The following SIPA1L1 variants were observed in gnomAD, a reference collection of about 807,000 sequenced individuals.
The protein encoded by SIPA1L1 is signal-induced proliferation-associated 1-like protein 1.
In SIPA1L1, 26 loss-of-function variants were observed where a neutral mutation model predicts 162.7. The observed-to-expected ratio is 0.16, with a 90% CI of 0.12 to 0.22. The LOEUF (loss-of-function observed/expected upper bound fraction) is 0.22. Among genes scored for constraint, SIPA1L1 ranks in the 10% least tolerant of loss-of-function variants. The pLI is 1.00. For synonymous variants in SIPA1L1, 829 were observed against 837.4 expected (o/e 0.99, Z 0.17); for missense variants, 1,874 against 2,241.0 (o/e 0.84, Z 3.31).
Position 71,588,652 on chromosome 14 carries a change from T to C in SIPA1L1, c.780T>C (p.Asp260=). Residue 260 remains aspartate (D), a synonymous_variant, in exon 5 of 24, where the codon GAT becomes GAC. Transcript: ENST00000381232. The surrounding 1 kb of genome is among the most constrained non-coding windows in gnomAD (Gnocchi z 4.3). ...GCAAGGGTTCTGGTTTCTCTTTGGA[T>C]GTAATAGACGGGCCTATCTCACAGA... The part of the protein sequence containing the change: ...GGGKGSGFSL[D]VIDGPISQRE... 1.2e-6 allele frequency: 2 copies of C among 1,614,046 alleles called. No individual in the cohort carries two copies. The highest frequency in any genetic ancestry group is 1.7e-6 in the Non-Finnish European group (2 of 1,179,972).
At chr14:71,646,188 T>G (rs1267415955) in intron 7 of SIPA1L1, among the ~76,000 whole-genome samples, 1 of 151,332 alleles carries the variant, frequency 6.6e-6, no homozygotes, top group African/African-American at 2.4e-5. Flanking sequence ...CTTTTTTTTT[T>G]TTTTTTGAGA....
At chr14:71,642,980 C>CA (rs1192517490) in intron 7 of SIPA1L1, among the ~76,000 whole-genome samples, 8 of 142,618 alleles carry the variant, frequency 5.6e-5, no homozygotes, top group Admixed American at 5.6e-4. Flanking sequence ...AAAAAAAAAA[C>CA]AAAAAACCCA....
Position 71,709,433 on chromosome 14 carries a change from C to T in SIPA1L1, c.3977C>T (p.Thr1326Ile). 1 of 1,614,252 alleles carries T rather than the reference C, an allele frequency of 6.2e-7. No individual in the cohort carries two copies. The highest frequency in any genetic ancestry group is 1.1e-5 in the South Asian group (1 of 91,092). The change falls in exon 17 of 24, where the codon ACA (threonine) becomes ATA (isoleucine). Residue 1326 changes from threonine to isoleucine, a missense_variant. Thr to Ile is a moderately conservative substitution (Grantham distance 89, BLOSUM62 -1). This residue lies in a region of SIPA1L1 where 936 missense variants were observed against 1,051.9 expected (regional missense o/e 0.89). Transcript: ENST00000381232. The stretch of plus-strand genomic sequence containing the variant: ...AGCACAGCCTCGCTGGGGGCTGCCA[C>T]ATCGTCACCTCGCTCAGGGCCAGGC... ...HGSTASLGAA[T>I]SSPRSGPGKE...
At chr14:71,685,688 C>G (rs2046230159) in intron 13 of SIPA1L1, 57 bp downstream of exon 13, 1 of 1,591,286 alleles carries the variant, frequency 6.3e-7, no homozygotes, top group African/African-American at 1.3e-5. Flanking sequence ...GTAAGTAACA[C>G]AGACCCATAA....
chr14:71,425,742 C>T (rs1423213074), intron 2 of SIPA1L1, among the ~76,000 whole-genome samples: 1 of 152,018 alleles, frequency 6.6e-6, no homozygotes, highest in East Asian at 1.9e-4. Context: ...TTTTTGAGTC[C>T]TCTGTTTCCT....
At chr14:71,595,068 T>C (rs911116341) in intron 5 of SIPA1L1, among the ~76,000 whole-genome samples, 1 of 152,204 alleles carries the variant, frequency 6.6e-6, no homozygotes, top group African/African-American at 2.4e-5. Context: ...GCTTTCACAG[T>C]GCCTGAGCCT....
chr14:71,710,699 T>C (rs1228636681), intron 17 of SIPA1L1, among the ~76,000 whole-genome samples: 2 of 151,392 alleles, frequency 1.3e-5, no homozygotes, highest in South Asian at 2.1e-4. Context: ...TCCCAGCTAC[T>C]TGGGAGGCTG....
intron 2 of SIPA1L1, among the ~76,000 whole-genome samples, chr14:71,420,536 C>T (rs1219961913): frequency 2.6e-5 from 4 of 152,144 alleles, no homozygotes; most frequent in Non-Finnish European, 5.9e-5. Flanking sequence ...CACCTAATTC[C>T]CACCAGATCA....
rs550897826 is a variant in SIPA1L1, at chr14:71,723,776, C to T, written c.4338C>T (p.Ser1446=). The T allele has an allele frequency of 4.2e-5, 68 of 1,614,260 alleles. 1 individual carries two copies. In the South Asian group the frequency reaches 7.5e-4, roughly 18 times the overall value. ...CCTTCTCCTCCTCTTCCTCCTCCTC[C>T]TCTGGTCCTAGGAGTTTTTACCCTC... The part of the protein sequence containing the change: ...APSFSSSSSS[S]SGPRSFYPRQ... Residue 1446 remains serine, a synonymous_variant, in exon 18 of 24, where the codon TCC becomes TCT. Transcript: ENST00000381232.
chr14:71,623,727 C>A (rs1407901446), intron 6 of SIPA1L1, among the ~76,000 whole-genome samples: 1 of 152,144 alleles, frequency 6.6e-6, no homozygotes, highest in Non-Finnish European at 1.5e-5. Flanking sequence ...TGCATAGTGA[C>A]ATGGTATAGC....
Position 71,643,314 on chromosome 14 carries a change from A to G in SIPA1L1, c.1819-7021A>G, listed in dbSNP as rs2148954297. 1.3e-5 allele frequency among the ~76,000 whole-genome samples: 2 copies of G among 152,318 alleles called. 1 individual carries two copies. The highest frequency in any genetic ancestry group is 4.1e-4 in the South Asian group (2 of 4,826). On this transcript the variant is annotated intron_variant, in intron 7 of 23. Transcript: ENST00000381232. ...ATAGGAAAAGTTAGATGACTTTTTT[A>G]GTCGTTAGAGAAATCCAGAAGAAAG... is the stretch of plus-strand genomic sequence containing the variant.
chr14:71,376,465 G>C, intron 2 of SIPA1L1, among the ~76,000 whole-genome samples: 1 of 151,130 alleles, frequency 6.6e-6, no homozygotes, highest in East Asian at 1.9e-4. Context: ...ACGTGATCCA[G>C]ATTTAAGCTA....
chr14:71,678,672 G>A (rs1161905268), intron 12 of SIPA1L1, among the ~76,000 whole-genome samples: 1 of 152,052 alleles, frequency 6.6e-6, no homozygotes, highest in Non-Finnish European at 1.5e-5. Context: ...AGTTAGGGAG[G>A]ATTCCCTCTT....
At chr14:71,505,487 G>C (rs2050591546) in intron 2 of SIPA1L1, among the ~76,000 whole-genome samples, 1 of 146,922 alleles carries the variant, frequency 6.8e-6, no homozygotes, top group South Asian at 2.1e-4. Flanking sequence ...GTTATCCCAT[G>C]ATGCCTAGAT....
intron 2 of SIPA1L1, among the ~76,000 whole-genome samples, chr14:71,327,740 G>A (rs1426924136): frequency 6.6e-6 from 1 of 152,188 alleles, no homozygotes; most frequent in Non-Finnish European, 1.5e-5. Context: ...GGTTAAATGT[G>A]TAGTTGATTT....
At chr14:71,495,896 AAAAAAAAAAAAAAAAAAG>A (rs2049719763) in intron 2 of SIPA1L1, among the ~76,000 whole-genome samples, 1 of 135,552 alleles carries the variant, frequency 7.4e-6, no homozygotes, top group Non-Finnish European at 1.7e-5. Flanking sequence ...CAAAAAAAAA[AAAAAAAAAAAAAAAAAAG>A]AAGAAGAAAG....
At chr14:71,419,561 A>T (rs866379991) in intron 2 of SIPA1L1, among the ~76,000 whole-genome samples, 36 of 140,702 alleles carry the variant, frequency 2.6e-4, no homozygotes, top group Non-Finnish European at 5.1e-4. Flanking sequence ...GCAGTGGCGC[A>T]ATCTCGGCTC....
At chr14:71,371,980 T>A (rs2038933981) in intron 2 of SIPA1L1, among the ~76,000 whole-genome samples, 1 of 152,212 alleles carries the variant, frequency 6.6e-6, no homozygotes, top group Non-Finnish European at 1.5e-5. Flanking sequence ...TTAACATGAT[T>A]GCTGAATGGT....
chr14:71,504,194 G>C (rs1031916216), intron 2 of SIPA1L1, among the ~76,000 whole-genome samples: 1 of 152,052 alleles, frequency 6.6e-6, no homozygotes, highest in Admixed American at 6.6e-5. Flanking sequence ...TTAAATGAAA[G>C]TATGCTGTTT....
Sources: gnomAD v4.1 joint callset for allele counts (sites outside exome capture counted in the v4.1 genomes callset) on GRCh38, gnomAD v4.1.1 for gene constraint, gnomAD v4.1.1 regional missense constraint, Gnocchi (gnomAD v3.1) non-coding constraint, MANE v1.5 for transcripts, NCBI Gene and HGNC (gene_info 2026-07-23, HGNC 2026-07-21) for gene names.